ARHGAP24: variants seen among roughly 807,000 people sequenced by gnomAD.
ARHGAP24 encodes the protein rho GTPase-activating protein 24.
A neutral mutation model predicts 76.4 loss-of-function variants in ARHGAP24; 50 were observed. That is an observed-to-expected ratio of 0.65 (90% confidence interval 0.52 to 0.83). ARHGAP24 has a LOEUF of 0.83. Ranked by LOEUF, ARHGAP24 falls within the 40% of genes least tolerant of loss-of-function variation. The pLI is 0.00. For missense variants in ARHGAP24, 930 were observed against 914.2 expected (o/e 1.02, Z -0.22); for synonymous variants, 345 against 323.3 (o/e 1.07, Z -0.72).
intron 1 of ARHGAP24, among the ~76,000 whole-genome samples, chr4:85,500,802 G>T (rs1198188926): frequency 6.6e-6 from 1 of 152,042 alleles, no homozygotes; most frequent in Non-Finnish European, 1.5e-5. Flanking sequence ...GTGCCATGTT[G>T]GTTTGCTGCA....
rs149783359 is a variant in ARHGAP24 at position 85,994,906 on chromosome 4, C to G, written c.1252C>G (p.Leu418Val). ...GCTAGATGTGTCTAGAAGCCCCCCTCTCATGGTCAAAAAGAACCCAGCCTT... is the reference window on the plus strand; with the variant it reads ...GCTAGATGTGTCTAGAAGCCCCCCTGTCATGGTCAAAAAGAACCCAGCCTT... ...HKLDVSRSPP[L>V]MVKKNPAFNK... The change falls in exon 9 of 10, where the codon CTC becomes GTC. Residue 418 changes from leucine (L) to valine (V), a missense_variant. Physicochemically the swap from Leu to Val is conservative, Grantham distance 32. Transcript: ENST00000395184. The G allele has an allele frequency of 1.2e-5, 19 of 1,613,956 alleles. No homozygotes were observed. The highest frequency in any genetic ancestry group is 1.4e-5 in the Non-Finnish European group (17 of 1,180,032).
chr4:85,862,146 A>C (rs1005173761), intron 3 of ARHGAP24, among the ~76,000 whole-genome samples: 2 of 151,960 alleles, frequency 1.3e-5, no homozygotes, highest in African/African-American at 4.8e-5. Context: ...CTCTTCCATT[A>C]GGGCTGATTA....
chr4:85,850,848 T>C (rs1469207517), intron 3 of ARHGAP24, among the ~76,000 whole-genome samples: 1 of 152,230 alleles, frequency 6.6e-6, no homozygotes, highest in East Asian at 1.9e-4. Context: ...TTACATTTGC[T>C]GAGAAGTACT....
intron 1 of ARHGAP24, among the ~76,000 whole-genome samples, chr4:85,498,381 T>G (rs946051547): frequency 1.3e-5 from 2 of 152,222 alleles, no homozygotes. Context: ...GAAAGCAGAC[T>G]GAATAGTTGT....
At chr4:85,765,611 T>C (rs2869384) in intron 3 of ARHGAP24, among the ~76,000 whole-genome samples, 75,819 of 151,968 alleles carry the variant, frequency 0.5, 22,329 homozygotes, top group Non-Finnish European at 0.68. Context: ...AGAAAGAATA[T>C]AATTAGATAA....
At chr4:85,643,036 A>G (rs555093896) in intron 2 of ARHGAP24, among the ~76,000 whole-genome samples, 2 of 151,494 alleles carry the variant, frequency 1.3e-5, no homozygotes, top group Non-Finnish European at 2.9e-5. Context: ...AGTAGTTCTC[A>G]TCTTCCTCAA....
In ARHGAP24 at chr4:85,973,988, G is replaced by A. The variant is rs566769864; in HGVS notation, c.733-900G>A. Among the ~76,000 whole-genome samples the A allele has an allele frequency of 2.3e-3, 336 of 148,842 alleles. 3 individuals are homozygous for A. Among genetic ancestry groups the A allele is most frequent in the Middle Eastern group, 6.9e-3 (2 of 288 alleles). On this transcript the variant is annotated intron_variant, in intron 6 of 9. Transcript: ENST00000395184. Reference sequence around the variant, plus strand: ...CTCCCAAGTAGCTGGGACTACAGGCGCCCGCCACCAAGCCTGGCTAATTTT... The same window carrying A: ...CTCCCAAGTAGCTGGGACTACAGGCACCCGCCACCAAGCCTGGCTAATTTT...
intron 3 of ARHGAP24, among the ~76,000 whole-genome samples, chr4:85,778,545 G>T (rs1394409175): frequency 6.6e-6 from 1 of 152,148 alleles, no homozygotes; most frequent in South Asian, 2.1e-4. Context: ...TACAAAATGG[G>T]TTCACCCGGC....
At chr4:85,722,704 T>C (rs343863) in intron 3 of ARHGAP24, among the ~76,000 whole-genome samples, 146,030 of 152,236 alleles carry the variant, frequency 0.96, 70,347 homozygotes, top group East Asian at 1. Context: ...ATTCTTCAAC[T>C]TTTCCTTATC....
chr4:85,578,537 G>C (rs1727481133), intron 2 of ARHGAP24, among the ~76,000 whole-genome samples: 1 of 152,176 alleles, frequency 6.6e-6, no homozygotes, highest in Admixed American at 6.5e-5. Flanking sequence ...GCAGTTTCTA[G>C]AATCAGTCTG....
chr4:85,520,268 C>T (rs1218609562), intron 1 of ARHGAP24, among the ~76,000 whole-genome samples: 4 of 151,936 alleles, frequency 2.6e-5, no homozygotes, highest in Non-Finnish European at 4.4e-5. Context: ...ATCCAAGTGC[C>T]CAGGTGTGGA....
intron 4 of ARHGAP24, among the ~76,000 whole-genome samples, chr4:85,931,384 C>T (rs767378971): frequency 5.9e-5 from 9 of 152,090 alleles, no homozygotes; most frequent in Non-Finnish European, 1.0e-4. Context: ...ATCAAGCAGC[C>T]ATGTTCTGAC....
At chr4:85,683,487 A>C (rs962950364) in intron 2 of ARHGAP24, among the ~76,000 whole-genome samples, 2 of 152,240 alleles carry the variant, frequency 1.3e-5, no homozygotes, top group Admixed American at 1.3e-4. Context: ...TATTTAAAAA[A>C]GTATTTGAAC....
At chr4:85,866,417 G>T (rs1213770016) in intron 3 of ARHGAP24, among the ~76,000 whole-genome samples, 1 of 152,128 alleles carries the variant, frequency 6.6e-6, no homozygotes, top group Non-Finnish European at 1.5e-5. Context: ...AGCAAGCAAA[G>T]TCTCTTCATG....
At position 85,732,076 on chromosome 4, in the gene ARHGAP24, T is replaced by A. The variant is rs538742825; in HGVS notation, c.268+10104T>A. 1.2e-3 allele frequency among the ~76,000 whole-genome samples: 182 copies of A among 152,358 alleles called. 2 individuals carry two copies. Among genetic ancestry groups the A allele is most frequent in the African/African-American group, 4.3e-3 (177 of 41,592 alleles). ...CATTCTCAGGCCATTTGTGTTCACCTGCTTCTTTTATCCAATAATTGAAAA... is the reference window on the plus strand; with the variant it reads ...CATTCTCAGGCCATTTGTGTTCACCAGCTTCTTTTATCCAATAATTGAAAA... On this transcript the variant is annotated intron_variant, in intron 3 of 9. Transcript: ENST00000395184.
intron 5 of ARHGAP24, among the ~76,000 whole-genome samples, chr4:85,952,270 C>G (rs771638355): frequency 1.3e-5 from 2 of 152,174 alleles, no homozygotes; most frequent in Non-Finnish European, 2.9e-5. Context: ...GTAGTTTTCA[C>G]TGTGTGTGAT....
chr4:85,769,087 A>G (rs2110077671), intron 3 of ARHGAP24, among the ~76,000 whole-genome samples: 1 of 152,308 alleles, frequency 6.6e-6, no homozygotes, highest in South Asian at 2.1e-4. Flanking sequence ...AAATAGTCAT[A>G]TCCTTATGAA....
At chr4:85,721,257 G>A (rs1164479688) in intron 2 of ARHGAP24, among the ~76,000 whole-genome samples, 1 of 151,990 alleles carries the variant, frequency 6.6e-6, no homozygotes, top group African/African-American at 2.4e-5. Context: ...TTGGCCGGGT[G>A]TGCTGGCAGA....
chr4:85,710,883 C>A (rs139228581), intron 2 of ARHGAP24, among the ~76,000 whole-genome samples: 7 of 152,008 alleles, frequency 4.6e-5, no homozygotes, highest in African/African-American at 1.4e-4. Flanking sequence ...CCATTTGACC[C>A]AGCAATCCCA....
Sources: gnomAD v4.1 joint callset for allele counts (sites outside exome capture counted in the v4.1 genomes callset) on GRCh38, gnomAD v4.1.1 for gene constraint, MANE v1.5 for transcripts, NCBI Gene and HGNC (gene_info 2026-07-23, HGNC 2026-07-21) for gene names.